Variants in TRMT1L observed in about 807,000 individuals in gnomAD.
The protein encoded by TRMT1L is tRNA (guanine(27)-N(2))-dimethyltransferase.
A neutral mutation model predicts 81.6 loss-of-function variants in TRMT1L; 28 were observed. The observed-to-expected ratio is 0.34, with a 90% confidence interval of 0.25 to 0.47. The LOEUF is 0.47. Among genes scored for constraint, TRMT1L ranks in the 20% least tolerant of loss-of-function variants. The pLI, the probability that TRMT1L is intolerant of heterozygous loss-of-function variation, is 1.00. For missense variants in TRMT1L, 739 were observed against 877.1 expected (o/e 0.84, Z 1.99); for synonymous variants, 301 against 303.2 (o/e 0.99, Z 0.07).
Position 185,156,684 on chromosome 1 carries a change from A to T in TRMT1L, c.29T>A (p.Leu10Gln). Reference sequence around the variant, plus strand: ...CTCCACCTCCTCCTTCTCCAGGGGCAGCAGCTCCTCCTCCGCCATATTCTC... The same window carrying T: ...CTCCACCTCCTCCTTCTCCAGGGGCTGCAGCTCCTCCTCCGCCATATTCTC... MENMAEEEL[L>Q]PLEKEEVEVA... The change falls in exon 1 of 15, where the codon CTG becomes CAG. Residue 10 changes from leucine (L) to glutamine (Q), a missense_variant. Physicochemically the swap from Leu to Gln is moderately radical, Grantham distance 113. Transcript: ENST00000367506. The T allele has an allele frequency of 6.2e-7, 1 of 1,612,450 alleles. No homozygotes were observed. The highest frequency in any genetic ancestry group is 8.5e-7 in the Non-Finnish European group (1 of 1,179,740).
intron 10 of TRMT1L, among the ~76,000 whole-genome samples, chr1:185,130,068 C>T (rs1451074529): frequency 6.6e-6 from 1 of 152,140 alleles, no homozygotes; most frequent in Admixed American, 6.5e-5. Flanking sequence ...ATAATCTTAC[C>T]ATACAAACGT....
intron 13 of TRMT1L, 51 bp downstream of exon 13, chr1:185,123,806 T>G: frequency 9.8e-6 from 11 of 1,117,408 alleles, no homozygotes; most frequent in Non-Finnish European, 1.4e-5. Context: ...TTTTGCTATA[T>G]GCCTTTTTGA....
chr1:185,147,276 A>G (rs1357835462), intron 3 of TRMT1L, 30 bp from the exon 4 acceptor site: 2 of 1,523,242 alleles, frequency 1.3e-6, no homozygotes, highest in Admixed American at 3.6e-5. Flanking sequence ...GTTATCATAC[A>G]TTGTTCATTA....
chr1:185,128,037 C>G (rs1652676837), intron 11 of TRMT1L, among the ~76,000 whole-genome samples: 1 of 151,934 alleles, frequency 6.6e-6, no homozygotes, highest in Non-Finnish European at 1.5e-5. Context: ...TCGCTTGAAC[C>G]TAGGAGGTGG....
intron 5 of TRMT1L, among the ~76,000 whole-genome samples, chr1:185,145,076 GAAT>G (rs1398723782): frequency 6.6e-6 from 1 of 151,790 alleles, no homozygotes; most frequent in Non-Finnish European, 1.5e-5. Flanking sequence ...ATATCACTAT[GAAT>G]AATAAGTCTT....
rs1371567941 is a variant in TRMT1L at position 185,143,963 on chromosome 1, T to C, written c.722A>G (p.Asn241Ser). 5 of 1,611,086 alleles carry C rather than the reference T, an allele frequency of 3.1e-6. No individual in the cohort carries two copies. The South Asian group carries it at 3.3e-5, about 11-fold the overall frequency. ...EADTDVQVCPNYSIPQKTDSY... is the reference protein window; with the variant it reads ...EADTDVQVCPSYSIPQKTDSY... ...ATCTGTTTTCTGAGGTATAGAATAG[T>C]TGGGACAAACTTGTACATCCGTGTC... is the stretch of plus-strand genomic sequence containing the variant. The change falls in exon 6 of 15, where the codon AAC becomes AGC. Residue 241 changes from asparagine to serine, a missense_variant. Physicochemically the swap from Asn to Ser is conservative, Grantham distance 46. Transcript: ENST00000367506.
At position 185,156,541 on chromosome 1, in the gene TRMT1L, C is replaced by G. The variant is rs749190997; in HGVS notation, c.172G>C (p.Ala58Pro). Residue 58 changes from alanine to proline, a missense_variant, in exon 1 of 15, where the codon GCC (alanine) becomes CCC (proline). This residue lies in a region of TRMT1L where 209 missense variants were observed against 165.4 expected (regional missense o/e 1.26). Coordinates refer to ENST00000367506, the MANE Select transcript of TRMT1L (RefSeq NM_030934.5). Reference protein sequence around the residue: ...TPASAPAPAPALAQAPALSPS... With the variant: ...TPASAPAPAPPLAQAPALSPS... Reference sequence around the variant, plus strand: ...GACAGGGCCGGAGCCTGGGCCAGGGCAGGGGCTGGGGCTGGAGCCGAGGCC... The same window carrying G: ...GACAGGGCCGGAGCCTGGGCCAGGGGAGGGGCTGGGGCTGGAGCCGAGGCC... 3 of 1,611,302 alleles carry G rather than the reference C, an allele frequency of 1.9e-6. No individual in the cohort carries two copies. Among genetic ancestry groups the G allele is most frequent in the African/African-American group, 1.3e-5 (1 of 74,854 alleles).
intron 9 of TRMT1L, among the ~76,000 whole-genome samples, chr1:185,138,955 T>G (rs1191305292): frequency 6.6e-6 from 1 of 152,148 alleles, no homozygotes; most frequent in Non-Finnish European, 1.5e-5. Context: ...GCCCAGCTAA[T>G]TTTTGTATTT....
At position 185,156,819 on chromosome 1, in the gene TRMT1L, A is replaced by C; in HGVS notation, c.-107T>G. ...CAGGGCTGGATCCAAGGAGTGGGGA[A>C]GCAAGTGGGGAGGGCGGGATGCGTG... On this transcript the variant is annotated 5_prime_UTR_variant, in exon 1 of 15. Transcript: ENST00000367506. 1 of 1,470,994 alleles carries C rather than the reference A, an allele frequency of 6.8e-7. No homozygotes were observed. Among genetic ancestry groups the C allele is most frequent in the South Asian group, 1.3e-5 (1 of 78,532 alleles). 91.1% of individuals were successfully genotyped at this position (1,470,994 alleles called of 1,614,324 possible). A position where few individuals can be genotyped will look rare whatever the true frequency, so the allele number is the denominator to read the frequency against.
chr1:185,156,404 G>C, intron 1 of TRMT1L, 74 bp downstream of exon 1: 1 of 1,612,430 alleles, frequency 6.2e-7, no homozygotes, highest in East Asian at 2.2e-5. Flanking sequence ...TCCCGGTGAA[G>C]GGCCTCCCCT....
chr1:185,125,037 T>G lies in TRMT1L; in HGVS notation c.1666A>C (p.Ile556Leu), dbSNP rs199733622. 6.2e-7 allele frequency: 1 copy of G among 1,613,394 alleles called. No individual in the cohort carries two copies. Among genetic ancestry groups the G allele is most frequent in the East Asian group, 2.2e-5 (1 of 44,756 alleles). ...ATTAATGTCTTTATTAGGGTCTGAATGTCATCCAAACCATGGTGAAGAGAT... is the reference window on the plus strand; with the variant it reads ...ATTAATGTCTTTATTAGGGTCTGAAGGTCATCCAAACCATGGTGAAGAGAT... The part of the protein sequence containing the change: ...FESLHHGLDD[I>L]QTLIKTLIFE... Residue 556 changes from isoleucine (I) to leucine (L), a missense_variant, in exon 12 of 15, where the codon ATT becomes CTT. Around this residue, in one of 4 missense-constraint regions of TRMT1L, gnomAD observed 196 missense variants for 232.6 expected, o/e 0.84. Transcript: ENST00000367506.
intron 13 of TRMT1L, 54 bp downstream of exon 13, chr1:185,123,803 A>G (rs1652554519): frequency 1.9e-6 from 2 of 1,070,842 alleles, no homozygotes; most frequent in South Asian, 1.7e-5. Context: ...CCCTTTTGCT[A>G]TATGCCTTTT....
At chr1:185,156,266 C>T (rs1653553382) in intron 1 of TRMT1L, among the ~76,000 whole-genome samples, 1 of 152,204 alleles carries the variant, frequency 6.6e-6, no homozygotes. Context: ...TCCGCATATC[C>T]CTCACCGTGA....
chr1:185,137,555 G>C lies in TRMT1L; in HGVS notation c.1513+51C>G, dbSNP rs760715547. The C allele has an allele frequency of 5.2e-6, 8 of 1,528,934 alleles. No individual in the cohort carries two copies. In the South Asian group the frequency reaches 5.6e-5, roughly 11 times the overall value. The allele number at this position is 1,528,934 out of a possible 1,614,324, so 94.7% of individuals were successfully genotyped here. On this transcript the variant is annotated intron_variant, in intron 10 of 14. Coordinates refer to ENST00000367506, the MANE Select transcript of TRMT1L (RefSeq NM_030934.5). ...ATGTATAATTAGGTATGTGATAAAG[G>C]CTTATTCAGTGGAGGATTATAGATA...
intron 8 of TRMT1L, among the ~76,000 whole-genome samples, 167 bp from the exon 9 acceptor site, chr1:185,139,746 G>A (rs552454052): frequency 6.6e-6 from 1 of 152,284 alleles, no homozygotes; most frequent in Non-Finnish European, 1.5e-5. Context: ...ATAGTATGAT[G>A]TATCAGACAT....
Position 185,151,836 on chromosome 1 carries a change from TTATC to T in TRMT1L, c.331_334del (p.Asp111IlefsTer56). ...AAACATGGAAATACCTGCATCAAGA[TTATC>T]TGAGTTCAATGAGCTGGCAGAGTCA... is the stretch of plus-strand genomic sequence containing the variant. On this transcript the variant is annotated frameshift_variant, in exon 2 of 15. Coordinates refer to ENST00000367506, the MANE Select transcript of TRMT1L (RefSeq NM_030934.5). LOFTEE classifies it high-confidence loss of function. 3 of 1,577,488 alleles carry T rather than the reference TTATC, an allele frequency of 1.9e-6. No individual in the cohort carries two copies. Among genetic ancestry groups the T allele is most frequent in the Non-Finnish European group, 2.6e-6 (3 of 1,167,216 alleles).
At chr1:185,138,025 C>A (rs1003251803) in intron 9 of TRMT1L, among the ~76,000 whole-genome samples, 7 of 152,136 alleles carry the variant, frequency 4.6e-5, no homozygotes, top group Non-Finnish European at 7.4e-5. Context: ...TAGACATTTT[C>A]CCTTGCGATA....
Position 185,123,751 on chromosome 1 carries a change from G to A in TRMT1L, c.1822+106C>T, listed in dbSNP as rs558790981. The A allele has an allele frequency of 7.5e-6, 5 of 668,656 alleles. No homozygotes were observed. The African/African-American group carries it at 9.6e-5, about 13-fold the overall frequency. The allele number at this position is 668,656 out of a possible 1,614,324, so 41.4% of individuals were successfully genotyped here. A position where few individuals can be genotyped will look rare whatever the true frequency, so the allele number is the denominator to read the frequency against. On this transcript the variant is annotated intron_variant, in intron 13 of 14. Transcript: ENST00000367506. ...GTTTTGTTGTCATATAATATGAAATGTATTTTTAAGTAGGCTACCATGGCA... is the reference window on the plus strand; with the variant it reads ...GTTTTGTTGTCATATAATATGAAATATATTTTTAAGTAGGCTACCATGGCA...
chr1:185,120,275 C>CA lies in TRMT1L; in HGVS notation c.1950-5dup. 6.6e-7 allele frequency: 1 copy of CA among 1,525,482 alleles called. No individual in the cohort carries two copies. Among genetic ancestry groups the CA allele is most frequent in the Non-Finnish European group, 8.8e-7 (1 of 1,137,328 alleles). 94.5% of individuals were successfully genotyped at this position (1,525,482 alleles called of 1,614,324 possible). ...ATAGCACAAAAACTTTTTTAACCTG[C>CA]AAAAAGGAAAGGAAAGAAAAAATAA... On this transcript the variant is annotated splice_region_variant and splice_polypyrimidine_tract_variant and intron_variant, in intron 14 of 14. Transcript: ENST00000367506.
Sources: gnomAD v4.1 joint callset for allele counts (sites outside exome capture counted in the v4.1 genomes callset) on GRCh38, gnomAD v4.1.1 for gene constraint, gnomAD v4.1.1 regional missense constraint, MANE v1.5 for transcripts, NCBI Gene and HGNC (gene_info 2026-07-23, HGNC 2026-07-21) for gene names.